Variants in CADM2 observed in about 807,000 individuals in gnomAD.
CADM2 encodes the protein cell adhesion molecule 2.
A neutral mutation model predicts 49.8 loss-of-function variants in CADM2; 12 were observed. That is an observed-to-expected ratio of 0.24 (90% CI 0.15 to 0.39). CADM2 has a LOEUF of 0.39. Among genes scored for constraint, CADM2 ranks in the 10% least tolerant of loss-of-function variants. CADM2 has a pLI of 1.00. For synonymous variants in CADM2, 214 were observed against 175.4 expected (o/e 1.22, Z -1.74); for missense variants, 378 against 492.3 (o/e 0.77, Z 2.20).
At chr3:85,975,547 T>A (rs6775290) in intron 8 of CADM2, among the ~76,000 whole-genome samples, 4 of 151,296 alleles carry the variant, frequency 2.6e-5, no homozygotes, top group African/African-American at 7.2e-5. Context: ...TTTTCAAATA[T>A]CTTTTTTATT....
In CADM2 at chr3:86,051,684, C is replaced by G. The variant is rs529317467; in HGVS notation, c.971-13921C>G. ...CAGGGGAGGAAGCCCAGGTAACTTA[C>G]AATTGTGGTGGAAGGTGAAGGGGGA... On this transcript the variant is annotated intron_variant, in intron 8 of 9. Coordinates refer to ENST00000383699, the MANE Select transcript of CADM2 (RefSeq NM_001167675.2). Among the ~76,000 whole-genome samples the G allele has an allele frequency of 1.4e-4, 22 of 152,192 alleles. No individual in the cohort carries two copies. The East Asian group carries it at 4.1e-3, about 28-fold the overall frequency.
intron 2 of CADM2, among the ~76,000 whole-genome samples, chr3:85,791,785 A>G (rs1342844870): frequency 2.0e-5 from 3 of 152,062 alleles, no homozygotes; most frequent in Non-Finnish European, 4.4e-5. Flanking sequence ...GTACAGTGGC[A>G]CGAACTTGGC....
At position 85,163,763 on chromosome 3, in the gene CADM2, T is replaced by C. The variant is rs541104264; in HGVS notation, c.61+204095T>C. On this transcript the variant is annotated intron_variant, in intron 1 of 9. Coordinates refer to ENST00000383699, the MANE Select transcript of CADM2 (RefSeq NM_001167675.2). Reference sequence around the variant, plus strand: ...GCATAGAAGTCATATTAAAAAACCTTGATTGAGATGTAATTCACATATCAT... The same window carrying C: ...GCATAGAAGTCATATTAAAAAACCTCGATTGAGATGTAATTCACATATCAT... Among the ~76,000 whole-genome samples the C allele has an allele frequency of 7.8e-4, 118 of 152,206 alleles. 1 individual carries two copies. The highest frequency in any genetic ancestry group is 6.8e-3 in the Middle Eastern group (2 of 294).
At chr3:85,426,474 T>A (rs1423908674) in intron 1 of CADM2, among the ~76,000 whole-genome samples, 1 of 152,118 alleles carries the variant, frequency 6.6e-6, no homozygotes, top group African/African-American at 2.4e-5. Context: ...GTTGTTTTAT[T>A]TTTTTAATTA....
At chr3:85,769,288 TA>T (rs1483129451) in intron 2 of CADM2, among the ~76,000 whole-genome samples, 1 of 124,610 alleles carries the variant, frequency 8.0e-6, no homozygotes, top group African/African-American at 3.3e-5. Context: ...TATACATATA[TA>T]GTATATATAC....
chr3:85,541,733 TTA>T (rs1388645950), intron 1 of CADM2, among the ~76,000 whole-genome samples: 15 of 57,122 alleles, frequency 2.6e-4, no homozygotes, highest in Middle Eastern at 0.01. Context: ...TATATATATT[TTA>T]TATATATATT....
chr3:85,746,060 C>T (rs1047860707), intron 2 of CADM2, among the ~76,000 whole-genome samples: 10 of 152,082 alleles, frequency 6.6e-5, no homozygotes, highest in South Asian at 2.1e-4. Flanking sequence ...ATAATAAAAA[C>T]GTTTAATGTT....
chr3:85,605,700 G>GT (rs1238437389), intron 1 of CADM2, among the ~76,000 whole-genome samples: 1 of 151,974 alleles, frequency 6.6e-6, no homozygotes, highest in Non-Finnish European at 1.5e-5. Context: ...ACCTGTAATT[G>GT]TAAGAAAAGC....
At chr3:85,415,274 C>A (rs9825345) in intron 1 of CADM2, among the ~76,000 whole-genome samples, 131,446 of 152,086 alleles carry the variant, frequency 0.86, 56,950 homozygotes, top group East Asian at 0.95. Context: ...AAGAATTGCC[C>A]CTAGTTGGTT....
chr3:85,989,693 T>C (rs1728521770), intron 8 of CADM2, among the ~76,000 whole-genome samples: 2 of 152,048 alleles, frequency 1.3e-5, no homozygotes, highest in Non-Finnish European at 2.9e-5. Flanking sequence ...ATTTCTCCTA[T>C]AGGCATACAT....
At chr3:85,745,687 G>A (rs147808831) in intron 2 of CADM2, among the ~76,000 whole-genome samples, 2 of 152,086 alleles carry the variant, frequency 1.3e-5, no homozygotes, top group South Asian at 2.1e-4. Context: ...GCAACATTGC[G>A]ATACCCCATC....
rs368092423 is a variant in CADM2 at position 85,156,944 on chromosome 3, T to C, written c.61+197276T>C. Among the ~76,000 whole-genome samples, 4 of 152,142 alleles carry C rather than the reference T, an allele frequency of 2.6e-5. No individual in the cohort carries two copies. In the East Asian group the frequency reaches 5.8e-4, roughly 22 times the overall value. On this transcript the variant is annotated intron_variant, in intron 1 of 9. Coordinates refer to ENST00000383699, the MANE Select transcript of CADM2 (RefSeq NM_001167675.2). ...TGATTGTATATCTAGAAAACCCCAT[T>C]GTCTCAGCCCAAAATCTCCTTAAGC...
At chr3:85,213,543 T>C (rs550541780) in intron 1 of CADM2, among the ~76,000 whole-genome samples, 1 of 152,172 alleles carries the variant, frequency 6.6e-6, no homozygotes, top group Non-Finnish European at 1.5e-5. Context: ...TGCTTTAAGG[T>C]GGTTTCCTTT....
intron 3 of CADM2, among the ~76,000 whole-genome samples, chr3:85,846,457 A>G (rs2074884671): frequency 6.6e-6 from 1 of 152,182 alleles, no homozygotes; most frequent in Non-Finnish European, 1.5e-5. Context: ...AGTTGGCGAT[A>G]TCTAGAACAC....
In CADM2 at chr3:85,765,366, G is replaced by T. The variant is rs531645474; in HGVS notation, c.89-36681G>T. ...ATTAATGTTGTCTGTGAGGTGGTGA[G>T]AATGTGTAATCCTCATATTAAGTAC... On this transcript the variant is annotated intron_variant, in intron 2 of 9. Transcript: ENST00000383699. Among the ~76,000 whole-genome samples, 2 of 152,136 alleles carry T rather than the reference G, an allele frequency of 1.3e-5. 1 individual carries two copies. The highest frequency in any genetic ancestry group is 4.2e-4 in the South Asian group (2 of 4,818).
intron 1 of CADM2, among the ~76,000 whole-genome samples, chr3:85,400,025 C>T (rs1002009413): frequency 1.3e-5 from 2 of 152,102 alleles, no homozygotes. Flanking sequence ...CTGTCTTGTG[C>T]CAGTTTTCAA....
At chr3:85,956,874 A>T (rs75798448) in intron 7 of CADM2, among the ~76,000 whole-genome samples, 1 of 151,498 alleles carries the variant, frequency 6.6e-6, no homozygotes, top group East Asian at 1.9e-4. Context: ...AATTTTGAGT[A>T]TACGGAAGTG....
chr3:85,755,061 C>G (rs1050945195), intron 2 of CADM2, among the ~76,000 whole-genome samples: 2 of 152,160 alleles, frequency 1.3e-5, no homozygotes, highest in Non-Finnish European at 2.9e-5. Flanking sequence ...ACCAACTGGA[C>G]GTCCTACAAT....
At chr3:85,980,565 TGTAA>T (rs1727352209) in intron 8 of CADM2, among the ~76,000 whole-genome samples, 1 of 151,524 alleles carries the variant, frequency 6.6e-6, no homozygotes, top group South Asian at 2.1e-4. Flanking sequence ...AAGCTAAATC[TGTAA>T]GTGAGAAGAG....
Sources: gnomAD v4.1 joint callset for allele counts (sites outside exome capture counted in the v4.1 genomes callset) on GRCh38, gnomAD v4.1.1 for gene constraint, MANE v1.5 for transcripts, NCBI Gene and HGNC (gene_info 2026-07-23, HGNC 2026-07-21) for gene names.